The following NCOA2 variants were observed in gnomAD, a reference collection of about 807,000 sequenced individuals.
The protein encoded by NCOA2 is class E basic helix-loop-helix protein 75.
Under a neutral mutation model 145.1 loss-of-function variants are expected in NCOA2, and 21 were observed. The observed-to-expected ratio is 0.14, with a 90% CI of 0.10 to 0.21. The LOEUF is 0.21. Among genes scored for constraint, NCOA2 ranks in the 10% least tolerant of loss-of-function variants. The pLI is 1.00. For synonymous variants in NCOA2, 619 were observed against 637.5 expected (o/e 0.97, Z 0.44); for missense variants, 1,472 against 1,837.6 (o/e 0.80, Z 3.64).
intron 2 of NCOA2, among the ~76,000 whole-genome samples, chr8:70,222,041 A>G (rs200323521): frequency 1.3e-5 from 2 of 152,156 alleles, no homozygotes; most frequent in Admixed American, 6.5e-5. Flanking sequence ...GTTTTCATAC[A>G]GTAAAATTTT....
rs1563776000 is a variant in NCOA2, at chr8:70,335,150, AAAAGATC to A, written c.-76-38357_-76-38351del. ...AAAAAAAAAAAAAAAAAAAAAAAAA[AAAAGATC>A]TCTCCCTATGACCATTTTCTCAGTC... is the stretch of plus-strand genomic sequence containing the variant. On this transcript the variant is annotated intron_variant, in intron 1 of 22. Coordinates refer to ENST00000452400, the MANE Select transcript of NCOA2 (RefSeq NM_006540.4). Among the ~76,000 whole-genome samples, 12 of 148,380 alleles carry A rather than the reference AAAAGATC, an allele frequency of 8.1e-5. 1 individual carries two copies. The highest frequency in any genetic ancestry group is 7.9e-4 in the East Asian group (4 of 5,064).
At chr8:70,267,245 T>C (rs1171542219) in intron 2 of NCOA2, among the ~76,000 whole-genome samples, 1 of 152,172 alleles carries the variant, frequency 6.6e-6, no homozygotes, top group Non-Finnish European at 1.5e-5. Flanking sequence ...GAGGCATAAG[T>C]AAATTAGAAA....
chr8:70,111,148 CA>C lies in NCOA2; in HGVS notation c.*2483del. On this transcript the variant is annotated 3_prime_UTR_variant, in exon 23 of 23. Transcript: ENST00000452400. Reference sequence around the variant, plus strand: ...ATTTATCATCTCTTTTCCTTCAAAACAGCAATGATCACGAATTATTATAAAT... The same window carrying C: ...ATTTATCATCTCTTTTCCTTCAAAACGCAATGATCACGAATTATTATAAAT... 4.5e-6 allele frequency: 1 copy of C among 220,700 alleles called. No individual in the cohort carries two copies. Among genetic ancestry groups the C allele is most frequent in the East Asian group, 6.7e-5 (1 of 14,956 alleles). The allele number at this position is 220,700 out of a possible 1,614,324, so 13.7% of individuals were successfully genotyped here.
At chr8:70,254,235 G>C (rs767705049) in intron 2 of NCOA2, among the ~76,000 whole-genome samples, 4 of 152,144 alleles carry the variant, frequency 2.6e-5, no homozygotes, top group Non-Finnish European at 4.4e-5. Flanking sequence ...CAAAAATATA[G>C]AAAATAATAA....
chr8:70,403,434 G>A (rs1273357214), intron 1 of NCOA2, among the ~76,000 whole-genome samples: 2 of 151,498 alleles, frequency 1.3e-5, no homozygotes, highest in East Asian at 3.9e-4. Flanking sequence ...TTCTCTCCCG[G>A]GGACTCCGCG....
At chr8:70,144,940 A>C (rs1810856671) in intron 12 of NCOA2, 92 bp from the exon 13 acceptor site, 1 of 1,215,036 alleles carries the variant, frequency 8.2e-7, no homozygotes, top group Admixed American at 1.8e-5. Flanking sequence ...CTGTAAAATG[A>C]CAAAGGTATG....
At chr8:70,399,514 T>C (rs866241106) in intron 1 of NCOA2, among the ~76,000 whole-genome samples, 8 of 152,218 alleles carry the variant, frequency 5.3e-5, no homozygotes, top group African/African-American at 1.9e-4. Flanking sequence ...AAAAGACCAA[T>C]ACCTTAAAGC....
intron 4 of NCOA2, among the ~76,000 whole-genome samples, chr8:70,197,597 A>G (rs1004991948): frequency 1.3e-5 from 2 of 152,218 alleles, no homozygotes; most frequent in Non-Finnish European, 2.9e-5. Flanking sequence ...ATATCTGGCC[A>G]ATGTGTCCTG....
At chr8:70,237,502 C>A (rs545000884) in intron 2 of NCOA2, among the ~76,000 whole-genome samples, 1 of 151,678 alleles carries the variant, frequency 6.6e-6, no homozygotes, top group Non-Finnish European at 1.5e-5. Context: ...ATGGCTCATG[C>A]CTGTAATCCC....
At chr8:70,201,416 A>G (rs1310886926) in intron 4 of NCOA2, among the ~76,000 whole-genome samples, 4 of 152,218 alleles carry the variant, frequency 2.6e-5, no homozygotes, top group East Asian at 3.8e-4. Context: ...CTTTGCACTC[A>G]TGACAACACC....
chr8:70,240,645 A>G (rs1822046461), intron 2 of NCOA2, among the ~76,000 whole-genome samples: 1 of 152,232 alleles, frequency 6.6e-6, no homozygotes, highest in Admixed American at 6.5e-5. Flanking sequence ...AAGCTTTGTT[A>G]AGGCAGGAGT....
intron 1 of NCOA2, among the ~76,000 whole-genome samples, chr8:70,311,122 T>A (rs1430585533): frequency 6.6e-6 from 1 of 152,006 alleles, no homozygotes; most frequent in African/African-American, 2.4e-5. Context: ...ATTTCCTAGT[T>A]TTTTTTTAAG....
the NCOA2 span, among the ~76,000 whole-genome samples, chr8:70,417,459 G>T: frequency 5.3e-5 from 8 of 152,126 alleles, no homozygotes; most frequent in South Asian, 4.2e-4. Context: ...TGAGGCAGGA[G>T]AATTGCTTTA....
intron 2 of NCOA2, among the ~76,000 whole-genome samples, chr8:70,266,576 C>T (rs1442458307): frequency 6.6e-6 from 1 of 152,128 alleles, no homozygotes; most frequent in East Asian, 1.9e-4. Flanking sequence ...TCCTTCTCAC[C>T]TCTTCTTTGG....
At chr8:70,434,319 G>T in the NCOA2 span, among the ~76,000 whole-genome samples, 4 of 152,156 alleles carry the variant, frequency 2.6e-5, no homozygotes, top group Non-Finnish European at 4.4e-5. Context: ...AGATAAAATT[G>T]ATACGATAAC....
intron 12 of NCOA2, among the ~76,000 whole-genome samples, chr8:70,146,263 A>G (rs1811053375): frequency 6.6e-6 from 1 of 152,220 alleles, no homozygotes; most frequent in Non-Finnish European, 1.5e-5. Flanking sequence ...AATTCTAGAC[A>G]TATTTGGATT....
chr8:70,244,621 G>A (rs1378352806), intron 2 of NCOA2, among the ~76,000 whole-genome samples: 1 of 151,932 alleles, frequency 6.6e-6, no homozygotes, highest in East Asian at 1.9e-4. Flanking sequence ...ATTAGAAAAG[G>A]ATAAAAAGTA....
intron 5 of NCOA2, among the ~76,000 whole-genome samples, chr8:70,171,418 G>A (rs1814241141): frequency 6.6e-6 from 1 of 152,188 alleles, no homozygotes; most frequent in South Asian, 2.1e-4. Context: ...ATTCAGTACA[G>A]TCCTCTACTC....
chr8:70,364,138 G>A (rs1017453880), intron 1 of NCOA2, among the ~76,000 whole-genome samples: 4 of 152,056 alleles, frequency 2.6e-5, no homozygotes, highest in Middle Eastern at 3.4e-3. Context: ...TGTGACTAAC[G>A]TCTCTACAAC....
Sources: gnomAD v4.1 joint callset for allele counts (sites outside exome capture counted in the v4.1 genomes callset) on GRCh38, gnomAD v4.1.1 for gene constraint, MANE v1.5 for transcripts, NCBI Gene and HGNC (gene_info 2026-07-23, HGNC 2026-07-21) for gene names.